Variants in AOPEP observed in about 807,000 individuals in gnomAD.
AOPEP encodes the protein aminopeptidase O.
Under a neutral mutation model 98.1 loss-of-function variants are expected in AOPEP, and 77 were observed. The ratio of observed to expected loss-of-function variants is 0.78; its 90% CI spans 0.65 to 0.95. The LOEUF is 0.95. Ranked by LOEUF, AOPEP falls within the 40% of genes least tolerant of loss-of-function variation. AOPEP has a pLI of 0.00. For missense variants in AOPEP, 1,024 were observed against 1,024.7 expected, an observed-to-expected ratio of 1.00 and a Z score of 0.01; for synonymous variants, 346 against 365.3, an observed-to-expected ratio of 0.95 and a Z score of 0.60.
chr9:94,928,299 T>A, intron 6 of AOPEP, 126 bp from the exon 7 acceptor site: 1 of 682,682 alleles, frequency 1.5e-6, no homozygotes, highest in Non-Finnish European at 2.4e-6. Context: ...AGGTTTCTGA[T>A]GGAAGCAAGG....
At chr9:94,871,960 A>G (rs2046396391) in intron 5 of AOPEP, among the ~76,000 whole-genome samples, 1 of 152,146 alleles carries the variant, frequency 6.6e-6, no homozygotes, top group Admixed American at 6.5e-5. Context: ...GTGAGCCCTG[A>G]TTGTGCCACT....
intron 5 of AOPEP, among the ~76,000 whole-genome samples, chr9:94,894,178 A>G (rs1196859726): frequency 1.3e-5 from 2 of 152,222 alleles, no homozygotes; most frequent in Non-Finnish European, 2.9e-5. Context: ...CAACAATAAA[A>G]TCAACCTACA....
intron 1 of AOPEP, among the ~76,000 whole-genome samples, chr9:94,758,102 C>T (rs1043038836): frequency 6.6e-6 from 1 of 152,072 alleles, no homozygotes; most frequent in Non-Finnish European, 1.5e-5. Context: ...GGAGCAAGGA[C>T]CAGGGAAGGG....
At chr9:94,789,356 T>TA (rs1349696759) in intron 3 of AOPEP, among the ~76,000 whole-genome samples, 1 of 152,222 alleles carries the variant, frequency 6.6e-6, no homozygotes, top group South Asian at 2.1e-4. Flanking sequence ...TCTGAATTTT[T>TA]AAAAAGGAAA....
intron 13 of AOPEP, among the ~76,000 whole-genome samples, chr9:95,035,806 C>A (rs1226172847): frequency 6.6e-6 from 1 of 151,950 alleles, no homozygotes; most frequent in Admixed American, 6.6e-5. Flanking sequence ...CAGGCATGAG[C>A]CACTGCGCCC....
chr9:95,057,851 C>G (rs887502633), intron 13 of AOPEP, among the ~76,000 whole-genome samples: 1 of 152,108 alleles, frequency 6.6e-6, no homozygotes, highest in African/African-American at 2.4e-5. Context: ...TCACAGAAAC[C>G]TGGGAGCATG....
At chr9:94,872,211 G>A (rs1461607035) in intron 5 of AOPEP, among the ~76,000 whole-genome samples, 4 of 152,112 alleles carry the variant, frequency 2.6e-5, no homozygotes, top group Non-Finnish European at 4.4e-5. Context: ...AAAATGGATC[G>A]ATGGCAGGGC....
chr9:94,964,775 T>G lies in AOPEP; in HGVS notation c.1873-2983T>G, dbSNP rs147973243. 1.2e-4 allele frequency among the ~76,000 whole-genome samples: 18 copies of G among 151,800 alleles called. No homozygotes were observed. The East Asian group carries it at 3.5e-3, about 29-fold the overall frequency. On this transcript the variant is annotated intron_variant, in intron 9 of 16. Coordinates refer to ENST00000375315, the MANE Select transcript of AOPEP (RefSeq NM_001193329.3). ...CTGCCTCAGCCTCCCAAGTAGCTGG[T>G]ATTACAGGTGCCCACCAACCCACCC...
chr9:94,865,195 C>T (rs577760039), intron 5 of AOPEP, among the ~76,000 whole-genome samples: 30 of 152,154 alleles, frequency 2.0e-4, no homozygotes, highest in Non-Finnish European at 3.7e-4. Flanking sequence ...CATGTAGAAA[C>T]GTTAATCAAC....
At chr9:94,822,585 G>T (rs187604876) in intron 5 of AOPEP, among the ~76,000 whole-genome samples, 1 of 152,040 alleles carries the variant, frequency 6.6e-6, no homozygotes, top group Admixed American at 6.6e-5. Context: ...TTTGAGTTCC[G>T]TTTTTATAAC....
chr9:95,071,905 C>G (rs2068549982), intron 14 of AOPEP, among the ~76,000 whole-genome samples: 1 of 152,132 alleles, frequency 6.6e-6, no homozygotes, highest in Non-Finnish European at 1.5e-5. Flanking sequence ...AGGAATTTGA[C>G]CTGCAGAGGG....
chr9:94,787,113 T>C (rs1257231068), intron 3 of AOPEP, among the ~76,000 whole-genome samples: 1 of 152,250 alleles, frequency 6.6e-6, no homozygotes, highest in Non-Finnish European at 1.5e-5. Flanking sequence ...CAGAGAAGAC[T>C]GTGAGGAAAC....
At chr9:94,778,902 G>A (rs1398896041) in intron 3 of AOPEP, among the ~76,000 whole-genome samples, 4 of 152,002 alleles carry the variant, frequency 2.6e-5, no homozygotes, top group African/African-American at 4.8e-5. Context: ...GGTGGTACAC[G>A]GCTGTAATCC....
rs1016545118 is a variant in AOPEP, at chr9:94,773,136, A to T, written c.932A>T (p.Glu311Val). Reference protein sequence around the residue: ...AASFVVLMSGENSAKPTQLWE... With the variant: ...AASFVVLMSGVNSAKPTQLWE... ...TCTTTTGTTGTTTTAATGAGTGGGGAAAATTCTGCCAAACCAACGCAGCTT... is the reference window on the plus strand; with the variant it reads ...TCTTTTGTTGTTTTAATGAGTGGGGTAAATTCTGCCAAACCAACGCAGCTT... Residue 311 changes from glutamate to valine, a missense_variant, in exon 3 of 17, where the codon GAA becomes GTA. Glu to Val is a moderately radical substitution (Grantham distance 121). This residue lies in a region of AOPEP where 440 missense variants were observed against 433.8 expected (regional missense o/e 1.01). Coordinates refer to ENST00000375315, the MANE Select transcript of AOPEP (RefSeq NM_001193329.3). 3.1e-6 allele frequency: 5 copies of T among 1,613,900 alleles called. No individual in the cohort carries two copies. The highest frequency in any genetic ancestry group is 3.3e-5 in the Admixed American group (2 of 59,974).
intron 5 of AOPEP, among the ~76,000 whole-genome samples, chr9:94,866,099 G>A (rs1215733037): frequency 1.3e-5 from 2 of 152,208 alleles, no homozygotes; most frequent in Admixed American, 6.5e-5. Flanking sequence ...TAACCAGACC[G>A]TAGCAAGGAG....
At chr9:95,148,573 T>TA in the AOPEP span, among the ~76,000 whole-genome samples, 13 of 152,238 alleles carry the variant, frequency 8.5e-5, no homozygotes, top group African/African-American at 1.2e-4. Flanking sequence ...TCCCAATACT[T>TA]AAAGTCATTT....
At chr9:94,931,163 G>A (rs543588621) in intron 7 of AOPEP, among the ~76,000 whole-genome samples, 1 of 152,100 alleles carries the variant, frequency 6.6e-6, no homozygotes, top group African/African-American at 2.4e-5. Context: ...CACATGAGGA[G>A]GGCCTCATCT....
chr9:95,029,259 AG>A (rs1439441361), intron 13 of AOPEP, among the ~76,000 whole-genome samples: 1 of 152,210 alleles, frequency 6.6e-6, no homozygotes, highest in Non-Finnish European at 1.5e-5. Context: ...TCAGGCTGGC[AG>A]GCCTCAGGTG....
chr9:95,014,832 TTTTTCAGATAATGAGGA>T (rs1020233986), intron 13 of AOPEP, among the ~76,000 whole-genome samples: 3 of 152,232 alleles, frequency 2.0e-5, no homozygotes, highest in Admixed American at 6.5e-5. Flanking sequence ...AAGTAGTCTA[TTTTTCAGATAATGAGGA>T]TTGCTGAAAA....
Sources: allele counts gnomAD v4.1 joint callset (sites outside exome capture counted in the v4.1 genomes callset), GRCh38; gene constraint gnomAD v4.1.1; regional missense constraint gnomAD v4.1.1; transcripts MANE v1.5; gene names NCBI Gene and HGNC (gene_info 2026-07-23, HGNC 2026-07-21).